The following ATP8B1 variants were observed in gnomAD, a reference collection of about 807,000 sequenced individuals.
The protein encoded by ATP8B1 is phospholipid-transporting ATPase IC.
In ATP8B1, 80 loss-of-function variants were observed where a neutral mutation model predicts 149.9. That is an observed-to-expected ratio of 0.53 (90% CI 0.45 to 0.64). The LOEUF (loss-of-function observed/expected upper bound fraction) is 0.64. Among genes scored for constraint, ATP8B1 ranks in the 30% least tolerant of loss-of-function variants. The probability of loss-of-function intolerance (pLI) is 0.00; values close to 1 mark genes in which losing one functional copy is unlikely to be tolerated. For synonymous variants in ATP8B1, 536 were observed against 562.8 expected, an observed-to-expected ratio of 0.95 and a Z score of 0.67; for missense variants, 1,247 against 1,552.6, an observed-to-expected ratio of 0.80 and a Z score of 3.31.
intron 3 of ATP8B1, among the ~76,000 whole-genome samples, chr18:57,705,288 C>T (rs1292878533): frequency 6.6e-6 from 1 of 152,058 alleles, no homozygotes; most frequent in Non-Finnish European, 1.5e-5. Context: ...ACAACATGGC[C>T]AAAGCCAGGA....
At chr18:57,680,100 A>T (rs62094231) in intron 15 of ATP8B1, among the ~76,000 whole-genome samples, 18,438 of 150,436 alleles carry the variant, frequency 0.12, 1,297 homozygotes, top group African/African-American at 0.14. Context: ...ACATGGCAAA[A>T]CTCCATCTCT....
At chr18:57,662,168 G>C (rs1910496285) in intron 21 of ATP8B1, among the ~76,000 whole-genome samples, 1 of 151,920 alleles carries the variant, frequency 6.6e-6, no homozygotes, top group Non-Finnish European at 1.5e-5. Context: ...AGAGGAGCTG[G>C]GACTACAGGC....
intron 11 of ATP8B1, among the ~76,000 whole-genome samples, chr18:57,694,374 C>T (rs546670603): frequency 6.6e-6 from 1 of 152,016 alleles, no homozygotes; most frequent in East Asian, 1.9e-4. Context: ...CAAGGGAATT[C>T]TCCTGTTAAA....
At chr18:57,667,944 C>G (rs1165510432) in intron 19 of ATP8B1, 13 of 535,670 alleles carry the variant, frequency 2.4e-5, no homozygotes, top group South Asian at 7.2e-5. Flanking sequence ...AGTAAAGTAT[C>G]AATACCAAAC....
At chr18:57,659,772 T>C (rs1462260705) in intron 22 of ATP8B1, 2 of 151,518 alleles carry the variant, frequency 1.3e-5, no homozygotes, top group Non-Finnish European at 2.9e-5. Flanking sequence ...TTGAGGAAGA[T>C]AAAGTTGGAA....
At chr18:57,721,211 A>G (rs1599154162) in intron 2 of ATP8B1, among the ~76,000 whole-genome samples, 1 of 139,804 alleles carries the variant, frequency 7.2e-6, no homozygotes, top group East Asian at 2.1e-4. Flanking sequence ...TCACCAGCTA[A>G]CATCATAATG....
chr18:57,670,015 A>T (rs1911130325), intron 17 of ATP8B1, among the ~76,000 whole-genome samples: 2 of 152,196 alleles, frequency 1.3e-5, no homozygotes, highest in African/African-American at 4.8e-5. Context: ...CCAGTTTCCA[A>T]AGGGAAAAGC....
chr18:57,680,304 A>AAAAAAAC (rs1191010929), intron 15 of ATP8B1, among the ~76,000 whole-genome samples: 1 of 113,966 alleles, frequency 8.8e-6, no homozygotes, highest in Admixed American at 9.3e-5. Context: ...AAAAAAAAAG[A>AAAAAAAC]CTGGGTGTGG....
chr18:57,684,819 T>G (rs1276421811), intron 14 of ATP8B1, among the ~76,000 whole-genome samples: 1 of 152,074 alleles, frequency 6.6e-6, no homozygotes, highest in Non-Finnish European at 1.5e-5. Context: ...CAATGATTGG[T>G]ATCCTTATTA....
At position 57,662,555 on chromosome 18, in the gene ATP8B1, A is replaced by T; in HGVS notation, c.2346T>A (p.Phe782Leu). 6.2e-7 allele frequency: 1 copy of T among 1,614,192 alleles called. No homozygotes were observed. Among genetic ancestry groups the T allele is most frequent in the Non-Finnish European group, 8.5e-7 (1 of 1,180,030 alleles). The change falls in exon 21 of 28, where the codon TTT (phenylalanine) becomes TTA (leucine). Residue 782 changes from phenylalanine to leucine, a missense_variant. Coordinates refer to ENST00000648908, the MANE Select transcript of ATP8B1 (RefSeq NM_001374385.1). ...QRNRGGVYAK[F>L]APPVQESFFP... The stretch of plus-strand genomic sequence containing the variant: ...AAAAAGATTCCTGCACAGGAGGTGC[A>T]AACTTTGCGTAGACGCCACCTCTAT...
At chr18:57,702,104 G>A (rs1285880851) in intron 4 of ATP8B1, among the ~76,000 whole-genome samples, 3 of 152,318 alleles carry the variant, frequency 2.0e-5, no homozygotes, top group Non-Finnish European at 4.4e-5. Flanking sequence ...GATGGCAAGA[G>A]GTACTAGCTG....
chr18:57,663,602 G>A lies in ATP8B1; in HGVS notation c.2286-987C>T, dbSNP rs150368745. ...TGATTGTTATTTTCTATTGTGTTTT[G>A]TTTTTGATAGTAGCCATCCTAAAGG... On this transcript the variant is annotated intron_variant, in intron 20 of 27. Transcript: ENST00000648908. 5.0e-4 allele frequency among the ~76,000 whole-genome samples: 76 copies of A among 152,094 alleles called. 1 individual carries two copies. The highest frequency in any genetic ancestry group is 1.7e-3 in the African/African-American group (72 of 41,476).
At chr18:57,670,940 C>T (rs920304196) in intron 17 of ATP8B1, among the ~76,000 whole-genome samples, 1 of 152,044 alleles carries the variant, frequency 6.6e-6, no homozygotes, top group Non-Finnish European at 1.5e-5. Context: ...AACTCCTGAC[C>T]TCAGGTGATA....
At chr18:57,674,760 G>A (rs936106606) in intron 16 of ATP8B1, 74 bp downstream of exon 16, 1 of 1,521,588 alleles carries the variant, frequency 6.6e-7, no homozygotes, top group East Asian at 2.3e-5. Flanking sequence ...GCTTTATCCT[G>A]ATGCCACTCA....
intron 8 of ATP8B1, among the ~76,000 whole-genome samples, chr18:57,696,956 G>A (rs2122905594): frequency 6.6e-6 from 1 of 152,200 alleles, no homozygotes; most frequent in Non-Finnish European, 1.5e-5. Context: ...CCAACACAAG[G>A]AGAATTCAAA....
At chr18:57,779,537 T>A (rs1276588577) in intron 1 of ATP8B1, among the ~76,000 whole-genome samples, 3 of 152,250 alleles carry the variant, frequency 2.0e-5, no homozygotes, top group Admixed American at 1.3e-4. Flanking sequence ...TTTTTAATTT[T>A]AGCAACACCG....
intron 2 of ATP8B1, among the ~76,000 whole-genome samples, chr18:57,726,525 G>A (rs1443959920): frequency 6.6e-6 from 1 of 152,198 alleles, no homozygotes; most frequent in African/African-American, 2.4e-5. Context: ...GGCACCTAGA[G>A]AGTTTGTAAA....
chr18:57,668,005 G>C, intron 19 of ATP8B1: 1 of 1,192,872 alleles, frequency 8.4e-7, no homozygotes, highest in South Asian at 1.4e-5. Context: ...TCTTTCCTTA[G>C]GTATACAATT....
Position 57,784,537 on chromosome 18 carries a change from GA to G in ATP8B1, c.-26+18460del, listed in dbSNP as rs1444569385. Among the ~76,000 whole-genome samples the G allele has an allele frequency of 3.9e-5, 6 of 152,162 alleles. No homozygotes were observed. Among genetic ancestry groups the G allele is most frequent in the Non-Finnish European group, 8.8e-5 (6 of 68,032 alleles). ...TGAAAGCAGGGTGCAGTCTGGAAGAGAAAGGGGTCAGAGATCAAGTCCAGGC... is the reference window on the plus strand; with the variant it reads ...TGAAAGCAGGGTGCAGTCTGGAAGAGAAGGGGTCAGAGATCAAGTCCAGGC... On this transcript the variant is annotated intron_variant, in intron 1 of 27. Coordinates refer to ENST00000648908, the MANE Select transcript of ATP8B1 (RefSeq NM_001374385.1). This position sits in a 1 kb window ranked among gnomAD's most constrained non-coding sequence, Gnocchi z 4.4.
Sources: allele counts gnomAD v4.1 joint callset (sites outside exome capture counted in the v4.1 genomes callset), GRCh38; gene constraint gnomAD v4.1.1; non-coding constraint Gnocchi (gnomAD v3.1); transcripts MANE v1.5; gene names NCBI Gene and HGNC (gene_info 2026-07-23, HGNC 2026-07-21).